BCL9L: variants seen among roughly 807,000 people sequenced by gnomAD.
BCL9L encodes the protein BCL9 like.
Under a neutral mutation model 99.4 loss-of-function variants are expected in BCL9L, and 19 were observed. The observed-to-expected ratio is 0.19, with a 90% CI of 0.13 to 0.28. The LOEUF (loss-of-function observed/expected upper bound fraction) is 0.28. BCL9L is among the 10% of genes least tolerant of loss of function. The probability of loss-of-function intolerance (pLI) is 1.00; values close to 1 mark genes in which losing one functional copy is unlikely to be tolerated. For missense variants in BCL9L, 2,023 were observed against 2,101.6 expected (o/e 0.96, Z 0.73); for synonymous variants, 900 against 854.8 (o/e 1.05, Z -0.92).
intron 2 of BCL9L, 183 bp from the exon 3 acceptor site, chr11:118,910,198 C>T (rs1940719381): frequency 3.8e-6 from 2 of 530,798 alleles, no homozygotes; most frequent in African/African-American, 3.8e-5. Context: ...CCCATCCCTC[C>T]CGCACCTTGC....
Position 118,902,271 on chromosome 11 carries a change from T to C in BCL9L, c.1472A>G (p.His491Arg). ...GPPLEHEVPG[H>R]PPGGDMGQQM... ...CTGCCCCATGTCCCCACCCGGGGGG[T>C]GCCCAGGCACTTCATGCTCCAGCGG... The change falls in exon 8 of 10, where the codon CAC (histidine) becomes CGC (arginine). Residue 491 changes from histidine to arginine, a missense_variant. His to Arg is a conservative substitution (Grantham distance 29). Around this residue, in one of 3 missense-constraint regions of BCL9L, gnomAD observed 1,116 missense variants for 1,194.6 expected, o/e 0.93. Transcript: ENST00000683865. This position sits in a 1 kb window ranked among gnomAD's most constrained non-coding sequence, Gnocchi z 7.8. 6.3e-7 allele frequency: 1 copy of C among 1,595,332 alleles called. No individual in the cohort carries two copies. Among genetic ancestry groups the C allele is most frequent in the Non-Finnish European group, 8.6e-7 (1 of 1,169,038 alleles).
At position 118,900,984 on chromosome 11, in the gene BCL9L, CTGA is replaced by C; in HGVS notation, c.2756_2758del (p.Ile919del). The C allele has an allele frequency of 6.4e-7, 1 of 1,554,790 alleles. No individual in the cohort carries two copies. Among genetic ancestry groups the C allele is most frequent in the Non-Finnish European group, 8.7e-7 (1 of 1,149,442 alleles). The stretch of plus-strand genomic sequence containing the variant: ...GCCCGGTGAGCCCATCTGATTAATA[CTGA>C]TGGTGAGGTCCGAAGGCCGCCTGCC... On this transcript the variant is annotated inframe_deletion, in exon 8 of 10. Transcript: ENST00000683865. This position sits in a 1 kb window ranked among gnomAD's most constrained non-coding sequence, Gnocchi z 5.3.
At chr11:118,909,421 G>A (rs1486603292) in intron 3 of BCL9L, among the ~76,000 whole-genome samples, 1 of 152,108 alleles carries the variant, frequency 6.6e-6, no homozygotes, top group Non-Finnish European at 1.5e-5. Flanking sequence ...TCACGGGAGA[G>A]GATATTTATC....
At chr11:118,907,431 A>C in intron 5 of BCL9L, 52 bp downstream of exon 5, 1 of 1,613,294 alleles carries the variant, frequency 6.2e-7, no homozygotes, top group Non-Finnish European at 8.5e-7. Flanking sequence ...TCTCAAGTCC[A>C]TCCCCCAGGA....
At chr11:118,905,577 G>C (rs1940480147) in intron 5 of BCL9L, among the ~76,000 whole-genome samples, 1 of 149,982 alleles carries the variant, frequency 6.7e-6, no homozygotes, top group East Asian at 2.0e-4. Flanking sequence ...AGCACTTTGG[G>C]GGGCTGAGGC....
rs1026763658 is a variant in BCL9L at position 118,914,494 on chromosome 11, TG to T, written c.-77+4331del. On this transcript the variant is annotated intron_variant, in intron 2 of 9. Coordinates refer to ENST00000683865, the MANE Select transcript of BCL9L (RefSeq NM_001378213.1). This position sits in a 1 kb window ranked among gnomAD's most constrained non-coding sequence, Gnocchi z 4.4. ...TCACACTCTTGGCAGCAGCAGCACC[TG>T]GGGGCCCCACGAGCTCTGCCCACAT... 6.6e-6 allele frequency among the ~76,000 whole-genome samples: 1 copy of T among 152,158 alleles called. No homozygotes were observed. The highest frequency in any genetic ancestry group is 2.4e-5 in the African/African-American group (1 of 41,428).
chr11:118,918,546 G>A (rs762334960), intron 2 of BCL9L, among the ~76,000 whole-genome samples: 1 of 151,970 alleles, frequency 6.6e-6, no homozygotes, highest in Non-Finnish European at 1.5e-5. Flanking sequence ...AGAAGGGCTG[G>A]ACTCTCACTG....
In BCL9L at chr11:118,921,813, C is replaced by A. The variant is rs930058399; in HGVS notation, c.-130-2934G>T. Among the ~76,000 whole-genome samples the A allele has an allele frequency of 6.6e-6, 1 of 152,100 alleles. No individual in the cohort carries two copies. Among genetic ancestry groups the A allele is most frequent in the Non-Finnish European group, 1.5e-5 (1 of 68,000 alleles). Reference sequence around the variant, plus strand: ...CTGGGCAGTGGTGACCACCTTCTCCCCTCCAGAGTGGCACCCTGGCTCCCC... The same window carrying A: ...CTGGGCAGTGGTGACCACCTTCTCCACTCCAGAGTGGCACCCTGGCTCCCC... On this transcript the variant is annotated intron_variant, in intron 1 of 9. Coordinates refer to ENST00000683865, the MANE Select transcript of BCL9L (RefSeq NM_001378213.1). The surrounding 1 kb of genome is among the most constrained non-coding windows in gnomAD (Gnocchi z 5.4).
chr11:118,903,355 C>T lies in BCL9L; in HGVS notation c.630G>A (p.Pro210=), dbSNP rs367790304. The change falls in exon 6 of 10, where the codon CCG becomes CCA. Residue 210 remains proline, a synonymous_variant. Coordinates refer to ENST00000683865, the MANE Select transcript of BCL9L (RefSeq NM_001378213.1). The surrounding 1 kb of genome is among the most constrained non-coding windows in gnomAD (Gnocchi z 5.6). ...PLSESSVPGA[P]HGPPPGLRPD... is the part of the protein sequence containing the mutation. ...GCCGAAGGCCAGGAGGAGGGCCGTG[C>T]GGGGCGCCTGGCACGCTGCTCTCGC... 492 of 1,602,156 alleles carry T rather than the reference C, an allele frequency of 3.1e-4. 1 individual carries two copies. The highest frequency in any genetic ancestry group is 3.3e-4 in the Non-Finnish European group (386 of 1,174,860).
intron 2 of BCL9L, among the ~76,000 whole-genome samples, chr11:118,916,961 G>A (rs762848549): frequency 6.6e-6 from 1 of 152,222 alleles, no homozygotes; most frequent in East Asian, 1.9e-4. Context: ...GGGGCAGTGG[G>A]AGGAGTGCTG....
chr11:118,911,941 G>A (rs1940810818), intron 2 of BCL9L, among the ~76,000 whole-genome samples: 1 of 152,260 alleles, frequency 6.6e-6, no homozygotes, highest in African/African-American at 2.4e-5. Context: ...GGGGCTATTA[G>A]AAAATCAGTC....
intron 1 of BCL9L, among the ~76,000 whole-genome samples, chr11:118,923,225 C>T (rs1941193659): frequency 6.6e-6 from 1 of 152,160 alleles, no homozygotes; most frequent in Non-Finnish European, 1.5e-5. Flanking sequence ...GGCAGCTCCC[C>T]TTTGCTCGGC....
intron 2 of BCL9L, chr11:118,911,186 G>T: frequency 2.2e-6 from 1 of 452,784 alleles, no homozygotes; most frequent in Non-Finnish European, 4.4e-6. Flanking sequence ...CTCCCCCCTC[G>T]CCTCCCCTAC....
intron 2 of BCL9L, chr11:118,911,048 T>G (rs1429668191): frequency 2.9e-6 from 1 of 345,444 alleles, no homozygotes; most frequent in African/African-American, 2.2e-5. Context: ...ATGAAAAGAC[T>G]GAGGCCGGCC....
intron 4 of BCL9L, 151 bp from the exon 5 acceptor site, chr11:118,907,753 C>T: frequency 7.5e-6 from 9 of 1,193,812 alleles, no homozygotes; most frequent in Non-Finnish European, 1.0e-5. Context: ...CCGTGGCCCC[C>T]ACCACGCCAC....
chr11:118,901,454 T>C lies in BCL9L; in HGVS notation c.2289A>G (p.Pro763=). The change falls in exon 8 of 10, where the codon CCA becomes CCG. Residue 763 remains proline, a synonymous_variant. Transcript: ENST00000683865. This position sits in a 1 kb window ranked among gnomAD's most constrained non-coding sequence, Gnocchi z 6.6. The part of the protein sequence containing the change: ...MGQSGLREVD[P]PMGPGNLNMN... ...TGTTGAGGTTGCCTGGCCCCATGGG[T>C]GGGTCCACCTCCCTCAGCCCAGACT... 2.5e-6 allele frequency: 4 copies of C among 1,614,020 alleles called. No homozygotes were observed. Among genetic ancestry groups the C allele is most frequent in the Non-Finnish European group, 3.4e-6 (4 of 1,179,952 alleles).
intron 3 of BCL9L, among the ~76,000 whole-genome samples, chr11:118,909,062 C>T (rs1220352284): frequency 6.6e-6 from 1 of 152,222 alleles, no homozygotes; most frequent in Non-Finnish European, 1.5e-5. Context: ...TCTCAAACCT[C>T]AACTCCCATA....
chr11:118,902,212 C>T lies in BCL9L; in HGVS notation c.1531G>A (p.Asp511Asn). 6.2e-7 allele frequency: 1 copy of T among 1,613,698 alleles called. No homozygotes were observed. The highest frequency in any genetic ancestry group is 8.5e-7 in the Non-Finnish European group (1 of 1,179,748). The change falls in exon 8 of 10, where the codon GAC (aspartate) becomes AAC (asparagine). Residue 511 changes from aspartate to asparagine, a missense_variant. Asp to Asn is a conservative substitution (Grantham distance 23, BLOSUM62 1). This residue lies in a region of BCL9L where 1,116 missense variants were observed against 1,194.6 expected (regional missense o/e 0.93). Transcript: ENST00000683865. The surrounding 1 kb of genome is among the most constrained non-coding windows in gnomAD (Gnocchi z 7.8). ...GCCACCTGCTCAGGCGTGAGGCTGTCCTGGCCCAGCCTCTGTATCATCATG... is the reference window on the plus strand; with the variant it reads ...GCCACCTGCTCAGGCGTGAGGCTGTTCTGGCCCAGCCTCTGTATCATCATG... ...MNMMIQRLGQDSLTPEQVAWR... is the reference protein window; with the variant it reads ...MNMMIQRLGQNSLTPEQVAWR...
In BCL9L at chr11:118,902,856, G is replaced by A; in HGVS notation, c.887C>T (p.Ala296Val). Reference sequence around the variant, plus strand: ...AGGTGGCTGGGACTGCGGGGTGCCTGCTGACGGCGTGCTCAGGGGTAGCGG... The same window carrying A: ...AGGTGGCTGGGACTGCGGGGTGCCTACTGACGGCGTGCTCAGGGGTAGCGG... ...PEPLPLSTPS[A>V]GTPQSQPPPL... Residue 296 changes from alanine (A) to valine (V), a missense_variant, in exon 8 of 10, where the codon GCA (alanine) becomes GTA (valine). By Grantham distance (64) the Ala-to-Val change is moderately conservative (BLOSUM62 0). Around this residue, in one of 3 missense-constraint regions of BCL9L, gnomAD observed 1,116 missense variants for 1,194.6 expected, o/e 0.93. Coordinates refer to ENST00000683865, the MANE Select transcript of BCL9L (RefSeq NM_001378213.1). The surrounding 1 kb of genome is among the most constrained non-coding windows in gnomAD (Gnocchi z 7.8). 10 of 1,552,406 alleles carry A rather than the reference G, an allele frequency of 6.4e-6. No individual in the cohort carries two copies. The highest frequency in any genetic ancestry group is 8.7e-6 in the Non-Finnish European group (10 of 1,155,472).
Sources: allele counts gnomAD v4.1 joint callset (sites outside exome capture counted in the v4.1 genomes callset), GRCh38; gene constraint gnomAD v4.1.1; regional missense constraint gnomAD v4.1.1; non-coding constraint Gnocchi (gnomAD v3.1); transcripts MANE v1.5; gene names NCBI Gene and HGNC (gene_info 2026-07-23, HGNC 2026-07-21).